The following NEDD9 variants were observed in gnomAD, a reference collection of about 807,000 sequenced individuals.
NEDD9 encodes neural precursor cell expressed, developmentally down-regulated 9, also known as enhancer of filamentation 1.
In NEDD9, 26 loss-of-function variants were observed where a neutral mutation model predicts 76.6. The ratio of observed to expected loss-of-function variants is 0.34; its 90% CI spans 0.25 to 0.47. The LOEUF (loss-of-function observed/expected upper bound fraction) is 0.47, where lower values mean the gene tolerates loss of function less well. Among genes scored for constraint, NEDD9 ranks in the 20% least tolerant of loss-of-function variants. The pLI, the probability that NEDD9 is intolerant of heterozygous loss-of-function variation, is 1.00. For missense variants in NEDD9, 937 were observed against 1,058.5 expected, an observed-to-expected ratio of 0.89 and a Z score of 1.59; for synonymous variants, 392 against 414.2, an observed-to-expected ratio of 0.95 and a Z score of 0.65.
Position 11,190,035 on chromosome 6 carries a change from C to A in NEDD9, c.1834G>T (p.Ala612Ser). The change falls in exon 5 of 7, where the codon GCC becomes TCC. Residue 612 changes from alanine (A) to serine (S), a missense_variant. Physicochemically the swap from Ala to Ser is moderately conservative, Grantham distance 99. Transcript: ENST00000379446. This position sits in a 1 kb window ranked among gnomAD's most constrained non-coding sequence, Gnocchi z 5.8. ...CCATCACTGCTGCTACAGTCAGGGG[C>A]CTGCTCCTTGCTCAGGCCTGGGGGC... is the stretch of plus-strand genomic sequence containing the variant. ...ALPPGLSKEQAPDCSSSDGSE... is the reference protein window; with the variant it reads ...ALPPGLSKEQSPDCSSSDGSE... 1 of 1,563,636 alleles carries A rather than the reference C, an allele frequency of 6.4e-7. No homozygotes were observed. The highest frequency in any genetic ancestry group is 8.7e-7 in the Non-Finnish European group (1 of 1,154,748).
chr6:11,380,798 G>GTCT (rs148561911), intron 1 of NEDD9, among the ~76,000 whole-genome samples: 3,326 of 150,676 alleles, frequency 0.022, 95 homozygotes, highest in African/African-American at 0.065. Flanking sequence ...CCTAGTCATC[G>GTCT]TCTTCTTCTT....
intron 3 of NEDD9, among the ~76,000 whole-genome samples, chr6:11,293,396 T>G (rs1223409658): frequency 6.6e-6 from 1 of 152,154 alleles, no homozygotes; most frequent in Non-Finnish European, 1.5e-5. Context: ...GGGCCAAATA[T>G]TTTCGAGTTT....
intron 1 of NEDD9, among the ~76,000 whole-genome samples, chr6:11,378,098 CT>C (rs1762996658): frequency 6.6e-6 from 1 of 152,100 alleles, no homozygotes; most frequent in Non-Finnish European, 1.5e-5. Flanking sequence ...CAAAATTTTG[CT>C]GGGTGTGGTG....
chr6:11,316,838 C>T (rs73362879), intron 2 of NEDD9, among the ~76,000 whole-genome samples: 7,600 of 152,108 alleles, frequency 0.05, 416 homozygotes, highest in African/African-American at 0.14. Context: ...GAGACGGAGC[C>T]GTTGGTAATA....
In NEDD9 at chr6:11,253,953, G is replaced by C. The variant is rs563902690; in HGVS notation, c.13-40226C>G. On this transcript the variant is annotated intron_variant, in intron 3 of 3. Transcript: ENST00000397378. Reference sequence around the variant, plus strand: ...TTTGGAGCCACCAATTAATATTATGGCATCTTCAAGCTTATGCTAAAAGCA... The same window carrying C: ...TTTGGAGCCACCAATTAATATTATGCCATCTTCAAGCTTATGCTAAAAGCA... Among the ~76,000 whole-genome samples, 346 of 152,062 alleles carry C rather than the reference G, an allele frequency of 2.3e-3. 1 individual carries two copies. Among genetic ancestry groups the C allele is most frequent in the African/African-American group, 7.7e-3 (319 of 41,462 alleles).
rs369543309 is a variant in NEDD9 at position 11,368,447 on chromosome 6, A to G, written c.-214+13692T>C. ...CAACTCTTGGATACGCTACTAATCA[A>G]CACACAATAAAACAAATGATCGCCA... On this transcript the variant is annotated intron_variant, in intron 1 of 3. Transcript: ENST00000397378. Among the ~76,000 whole-genome samples, 13 of 152,352 alleles carry G rather than the reference A, an allele frequency of 8.5e-5. 1 individual carries two copies. The East Asian group carries it at 1.3e-3, about 16-fold the overall frequency.
intron 2 of NEDD9, among the ~76,000 whole-genome samples, chr6:11,329,623 C>G (rs1033616773): frequency 6.6e-6 from 1 of 152,226 alleles, no homozygotes; most frequent in Non-Finnish European, 1.5e-5. Context: ...TGTCCCTCCC[C>G]TCTTAGAGCT....
intron 3 of NEDD9, among the ~76,000 whole-genome samples, chr6:11,297,861 G>A (rs373326494): frequency 4.6e-5 from 7 of 152,026 alleles, no homozygotes; most frequent in African/African-American, 1.7e-4. Flanking sequence ...AGGCAAGACT[G>A]GGATTCAAAC....
intron 1 of NEDD9, among the ~76,000 whole-genome samples, chr6:11,217,169 T>A (rs1399624894): frequency 6.6e-6 from 1 of 152,178 alleles, no homozygotes; most frequent in African/African-American, 2.4e-5. Flanking sequence ...AGTAAGACCA[T>A]AACAGCCAAA....
intron 1 of NEDD9, among the ~76,000 whole-genome samples, chr6:11,364,606 C>A (rs2113559233): frequency 6.6e-6 from 1 of 152,246 alleles, no homozygotes; most frequent in South Asian, 2.1e-4. Flanking sequence ...TTGCTTGTAA[C>A]CCTTAAGGAG....
At chr6:11,374,920 A>C (rs185361256) in intron 1 of NEDD9, among the ~76,000 whole-genome samples, 1 of 151,990 alleles carries the variant, frequency 6.6e-6, no homozygotes, top group South Asian at 2.1e-4. Context: ...TTTTGTTTTT[A>C]TTTTTTAATC....
chr6:11,239,750 T>TA (rs1412010563), intron 3 of NEDD9, among the ~76,000 whole-genome samples: 4 of 151,724 alleles, frequency 2.6e-5, no homozygotes, highest in Non-Finnish European at 4.4e-5. Context: ...AAGTTCGTAT[T>TA]AAAAAAAATA....
At chr6:11,332,123 G>GT in intron 2 of NEDD9, among the ~76,000 whole-genome samples, 1 of 152,318 alleles carries the variant, frequency 6.6e-6, no homozygotes, top group Non-Finnish European at 1.5e-5. Context: ...CATCATTTGA[G>GT]GGTCTTTGTA....
intron 2 of NEDD9, among the ~76,000 whole-genome samples, chr6:11,314,779 C>G (rs1473147661): frequency 6.6e-6 from 1 of 152,166 alleles, no homozygotes; most frequent in African/African-American, 2.4e-5. Context: ...GTCAGGAGAC[C>G]TGGGCTCGAC....
intron 2 of NEDD9, among the ~76,000 whole-genome samples, chr6:11,319,865 TAC>T (rs745780284): frequency 4.0e-5 from 6 of 151,824 alleles, no homozygotes; most frequent in Non-Finnish European, 7.4e-5. Flanking sequence ...CACACACTCA[TAC>T]ACACTAACAT....
intron 2 of NEDD9, among the ~76,000 whole-genome samples, chr6:11,194,780 C>T (rs1758248170): frequency 6.6e-6 from 1 of 152,210 alleles, no homozygotes; most frequent in African/African-American, 2.4e-5. Context: ...TAAAATGAAT[C>T]TTACCTAGCA....
intron 1 of NEDD9, among the ~76,000 whole-genome samples, chr6:11,346,477 G>GCCCC (rs57973517): frequency 6.9e-6 from 1 of 145,048 alleles, no homozygotes; most frequent in East Asian, 2.0e-4. Flanking sequence ...AGGCTCGGAG[G>GCCCC]CCCCCCCCCC....
intron 3 of NEDD9, among the ~76,000 whole-genome samples, chr6:11,193,369 A>G (rs964893056): frequency 2.0e-5 from 3 of 152,118 alleles, no homozygotes; most frequent in Admixed American, 2.0e-4. Context: ...GTAGAAGAAC[A>G]TAAGCTCTCT....
At chr6:11,222,035 C>T (rs1004924148) in intron 1 of NEDD9, among the ~76,000 whole-genome samples, 1 of 152,164 alleles carries the variant, frequency 6.6e-6, no homozygotes, top group Non-Finnish European at 1.5e-5. Flanking sequence ...TACTATATTA[C>T]AATATACTTC....
Sources: allele counts gnomAD v4.1 joint callset (sites outside exome capture counted in the v4.1 genomes callset), GRCh38; gene constraint gnomAD v4.1.1; non-coding constraint Gnocchi (gnomAD v3.1); transcripts MANE v1.5; gene names NCBI Gene and HGNC (gene_info 2026-07-23, HGNC 2026-07-21).